The following ACSL3 variants were observed in gnomAD, a reference collection of about 807,000 sequenced individuals.
ACSL3 encodes the protein fatty acid CoA ligase Acsl3.
Under a neutral mutation model 84.7 loss-of-function variants are expected in ACSL3, and 34 were observed. The observed-to-expected ratio is 0.40, with a 90% CI of 0.31 to 0.53. ACSL3 has a LOEUF of 0.53. Among genes scored for constraint, ACSL3 ranks in the 20% least tolerant of loss-of-function variants. The probability of loss-of-function intolerance (pLI) is 0.48; values close to 1 mark genes in which losing one functional copy is unlikely to be tolerated. For missense variants in ACSL3, 680 were observed against 873.1 expected (o/e 0.78, Z 2.79); for synonymous variants, 315 against 299.4 (o/e 1.05, Z -0.54).
At chr2:222,901,869 C>T (rs1221992159) in intron 3 of ACSL3, among the ~76,000 whole-genome samples, 2 of 140,316 alleles carry the variant, frequency 1.4e-5, no homozygotes, top group Non-Finnish European at 3.0e-5. Flanking sequence ...CACTTGAACC[C>T]GGAGGCGAAG....
chr2:222,916,902 T>C (rs541551242), intron 5 of ACSL3, among the ~76,000 whole-genome samples: 2 of 152,078 alleles, frequency 1.3e-5, no homozygotes, highest in Non-Finnish European at 2.9e-5. Flanking sequence ...GGTTAAACAA[T>C]AGAGTTTTCA....
At chr2:222,921,162 AATTGAGTTAAATTAACTCAATTTG>A (rs1234643482) in intron 7 of ACSL3, 94 bp from the exon 8 acceptor site, 2 of 1,137,520 alleles carry the variant, frequency 1.8e-6, no homozygotes, top group South Asian at 2.8e-5. Flanking sequence ...ATATTTGTTG[AATTGAGTTAAATTAACTCAATTTG>A]ATTGAGTTAT....
At chr2:222,894,768 A>T (rs1411839758) in intron 2 of ACSL3, among the ~76,000 whole-genome samples, 1 of 152,230 alleles carries the variant, frequency 6.6e-6, no homozygotes, top group South Asian at 2.1e-4. Flanking sequence ...AAGGTATCAT[A>T]GAAGTTCTTC....
intron 2 of ACSL3, among the ~76,000 whole-genome samples, chr2:222,891,168 G>A (rs1462527977): frequency 6.6e-6 from 1 of 152,136 alleles, no homozygotes; most frequent in Non-Finnish European, 1.5e-5. Flanking sequence ...TATATAGCTG[G>A]CTTTCTCATT....
chr2:222,877,846 C>T (rs920266894), intron 1 of ACSL3, among the ~76,000 whole-genome samples: 1 of 152,188 alleles, frequency 6.6e-6, no homozygotes, highest in Admixed American at 6.5e-5. Flanking sequence ...CTTTGTATTA[C>T]ATGATGCCAG....
rs1166832797 is a variant in ACSL3, at chr2:222,933,293, A to G, written c.1847+13A>G. 3 of 1,547,974 alleles carry G rather than the reference A, an allele frequency of 1.9e-6. No homozygotes were observed. The highest frequency in any genetic ancestry group is 2.7e-6 in the Non-Finnish European group (3 of 1,124,950). Reference sequence around the variant, plus strand: ...CATATGCAAACAGGTAAGAACGTGGAATTCATACTACTTTTACTTAAAATA... The same window carrying G: ...CATATGCAAACAGGTAAGAACGTGGGATTCATACTACTTTTACTTAAAATA... On this transcript the variant is annotated intron_variant, in intron 15 of 16. Coordinates refer to ENST00000357430, the MANE Select transcript of ACSL3 (RefSeq NM_004457.5).
chr2:222,877,090 G>C (rs1695468600), intron 1 of ACSL3, among the ~76,000 whole-genome samples: 1 of 152,186 alleles, frequency 6.6e-6, no homozygotes, highest in Non-Finnish European at 1.5e-5. Flanking sequence ...TTGGGGAACT[G>C]AAAGGGTGTG....
chr2:222,898,602 A>T (rs1469372802), intron 2 of ACSL3, among the ~76,000 whole-genome samples: 1 of 152,240 alleles, frequency 6.6e-6, no homozygotes, highest in Admixed American at 6.5e-5. Context: ...AGGCGGGCGG[A>T]TCACGAGGTA....
At chr2:222,863,093 G>A (rs78192093) in intron 1 of ACSL3, among the ~76,000 whole-genome samples, 1 of 152,140 alleles carries the variant, frequency 6.6e-6, no homozygotes, top group African/African-American at 2.4e-5. Context: ...TAATTTTTGT[G>A]ATATGTCAGG....
chr2:222,931,886 T>A (rs1260385436), intron 14 of ACSL3, among the ~76,000 whole-genome samples: 5 of 152,064 alleles, frequency 3.3e-5, no homozygotes. Context: ...CACTTTTCCC[T>A]TAGGACTCGG....
At chr2:222,871,181 T>C (rs191254123) in intron 1 of ACSL3, among the ~76,000 whole-genome samples, 50 of 152,332 alleles carry the variant, frequency 3.3e-4, no homozygotes, top group African/African-American at 1.2e-3. Context: ...CATTACCAAA[T>C]GCTTTTTAAG....
At chr2:222,935,391 T>C (rs1308300697) in intron 16 of ACSL3, among the ~76,000 whole-genome samples, 1 of 152,102 alleles carries the variant, frequency 6.6e-6, no homozygotes, top group East Asian at 1.9e-4. Flanking sequence ...GTTTTGTTGT[T>C]GAGATGAGGC....
rs1369601657 is a variant in ACSL3, at chr2:222,918,473, T to A, written c.666+318T>A. Among the ~76,000 whole-genome samples, 3 of 151,866 alleles carry A rather than the reference T, an allele frequency of 2.0e-5. No homozygotes were observed. In the East Asian group the frequency reaches 5.8e-4, roughly 29 times the overall value. The stretch of plus-strand genomic sequence containing the variant: ...TTTGTAATTTTGAAGGGTTATATTT[T>A]AAACTAGTAATTTTTATTTTACTTC... On this transcript the variant is annotated intron_variant, in intron 6 of 16. Coordinates refer to ENST00000357430, the MANE Select transcript of ACSL3 (RefSeq NM_004457.5).
intron 1 of ACSL3, among the ~76,000 whole-genome samples, chr2:222,861,934 T>TAACAC (rs1433154425): frequency 2.0e-5 from 3 of 152,140 alleles, no homozygotes; most frequent in Non-Finnish European, 4.4e-5. Flanking sequence ...GGGTAGGTGT[T>TAACAC]ATCAGGCTCG....
intron 1 of ACSL3, among the ~76,000 whole-genome samples, chr2:222,861,899 A>G (rs972369964): frequency 6.6e-6 from 1 of 151,942 alleles, no homozygotes; most frequent in Non-Finnish European, 1.5e-5. Context: ...TAACTCGGGG[A>G]CTGCTTACTA....
At chr2:222,901,577 C>T (rs1336597079) in intron 3 of ACSL3, among the ~76,000 whole-genome samples, 1 of 152,122 alleles carries the variant, frequency 6.6e-6, no homozygotes, top group African/African-American at 2.4e-5. Context: ...TTACTTATTT[C>T]TGTCTAAAAG....
chr2:222,938,142 A>G (rs1697223789), intron 16 of ACSL3, among the ~76,000 whole-genome samples: 1 of 152,152 alleles, frequency 6.6e-6, no homozygotes, highest in African/African-American at 2.4e-5. Context: ...ATTCATAATT[A>G]CTTTTTATGT....
intron 11 of ACSL3, 51 bp downstream of exon 11, chr2:222,924,646 T>C: frequency 6.7e-7 from 1 of 1,494,316 alleles, no homozygotes; most frequent in African/African-American, 1.4e-5. Flanking sequence ...AATTTAATCA[T>C]TTAGTTCACA....
intron 1 of ACSL3, among the ~76,000 whole-genome samples, chr2:222,862,029 G>GTA (rs1186504634): frequency 6.6e-6 from 1 of 152,188 alleles, no homozygotes; most frequent in Non-Finnish European, 1.5e-5. Context: ...CTAAGCTGCT[G>GTA]TATAAAAGAT....
Sources: allele counts gnomAD v4.1 joint callset (sites outside exome capture counted in the v4.1 genomes callset), GRCh38; gene constraint gnomAD v4.1.1; transcripts MANE v1.5; gene names NCBI Gene and HGNC (gene_info 2026-07-23, HGNC 2026-07-21).